Variants in WWOX observed in about 807,000 individuals in gnomAD.
The protein encoded by WWOX is WW domain-containing oxidoreductase.
Under a neutral mutation model 46.2 loss-of-function variants are expected in WWOX, and 69 were observed. That is an observed-to-expected ratio of 1.49 (90% CI 1.23 to 1.82). The LOEUF (loss-of-function observed/expected upper bound fraction) is 1.82. WWOX is among the 40% of genes most tolerant of loss of function. WWOX has a pLI of 0.00. For synonymous variants in WWOX, 359 were observed against 202.6 expected, an observed-to-expected ratio of 1.77 and a Z score of -6.56; for missense variants, 919 against 542.6, an observed-to-expected ratio of 1.69 and a Z score of -6.89.
chr16:78,282,719 A>G (rs1312626771), intron 5 of WWOX, among the ~76,000 whole-genome samples: 1 of 152,026 alleles, frequency 6.6e-6, no homozygotes, highest in Non-Finnish European at 1.5e-5. Context: ...TCTACTAAAA[A>G]TACAAAAAAT....
At chr16:78,504,332 A>C (rs555656162) in intron 8 of WWOX, among the ~76,000 whole-genome samples, 1 of 152,334 alleles carries the variant, frequency 6.6e-6, no homozygotes, top group South Asian at 2.1e-4. Flanking sequence ...TTTCTGAAAG[A>C]AATTCCCAGG....
intron 8 of WWOX, among the ~76,000 whole-genome samples, chr16:79,088,747 A>G (rs768534544): frequency 7.9e-5 from 12 of 152,134 alleles, no homozygotes; most frequent in Non-Finnish European, 1.8e-4. Context: ...CACAGTTGCT[A>G]CTTACCGTGG....
intron 8 of WWOX, among the ~76,000 whole-genome samples, chr16:79,163,054 A>T (rs977488199): frequency 2.6e-5 from 4 of 152,198 alleles, no homozygotes; most frequent in Non-Finnish European, 4.4e-5. Flanking sequence ...CATTTATCCA[A>T]ACACACAGGA....
At chr16:78,941,462 C>CTT (rs1348761573) in intron 8 of WWOX, among the ~76,000 whole-genome samples, 42 of 144,682 alleles carry the variant, frequency 2.9e-4, no homozygotes, top group African/African-American at 4.0e-4. Flanking sequence ...GAACAAAGTC[C>CTT]TTTTTTTTTT....
At chr16:78,752,870 C>A (rs572960779) in intron 8 of WWOX, among the ~76,000 whole-genome samples, 19 of 152,214 alleles carry the variant, frequency 1.2e-4, no homozygotes, top group African/African-American at 4.3e-4. Context: ...GCTTCCTGAT[C>A]TAAATCTGTC....
intron 8 of WWOX, among the ~76,000 whole-genome samples, chr16:79,013,002 G>A (rs1008668864): frequency 2.0e-5 from 3 of 152,238 alleles, no homozygotes; most frequent in African/African-American, 7.2e-5. Flanking sequence ...TGGGAGATTG[G>A]AGGTTGCAGT....
Position 78,985,173 on chromosome 16 carries a change from C to T in WWOX, c.1057-226435C>T, listed in dbSNP as rs753808021. 2.6e-5 allele frequency among the ~76,000 whole-genome samples: 4 copies of T among 152,314 alleles called. No individual in the cohort carries two copies. The South Asian group carries it at 6.2e-4, about 24-fold the overall frequency. On this transcript the variant is annotated intron_variant, in intron 8 of 8. Coordinates refer to ENST00000566780, the MANE Select transcript of WWOX (RefSeq NM_016373.4). ...CCAGCAGCAGAGGCTGCCATGACAT[C>T]GGCATGCGATTTCTTCCAGGACTTA...
intron 8 of WWOX, chr16:78,873,060 G>C (rs942739627): frequency 6.6e-5 from 10 of 152,250 alleles, no homozygotes. Flanking sequence ...GCCTCCTGAA[G>C]TACTGAGATT....
chr16:78,493,134 G>C (rs113879388), intron 8 of WWOX, among the ~76,000 whole-genome samples: 2 of 152,088 alleles, frequency 1.3e-5, no homozygotes, highest in Non-Finnish European at 2.9e-5. Context: ...TTGGAGCCTG[G>C]ACTTCTTCCT....
intron 5 of WWOX, among the ~76,000 whole-genome samples, chr16:78,319,700 T>C (rs552267661): frequency 6.6e-6 from 1 of 152,330 alleles, no homozygotes; most frequent in South Asian, 2.1e-4. Flanking sequence ...TTTTATCACA[T>C]GCGTAGGTTC....
intron 8 of WWOX, among the ~76,000 whole-genome samples, chr16:78,769,640 C>A (rs1322872436): frequency 1.3e-5 from 2 of 150,240 alleles, no homozygotes; most frequent in Non-Finnish European, 2.9e-5. Context: ...GAAACTATAT[C>A]ATAATTTTAA....
chr16:78,685,913 A>G (rs1333957885), intron 8 of WWOX, among the ~76,000 whole-genome samples: 4 of 120,690 alleles, frequency 3.3e-5, no homozygotes, highest in Non-Finnish European at 5.8e-5. Context: ...AAAAAGAAAA[A>G]GAAAAAAGAG....
At chr16:78,389,223 C>T (rs1005559550) in intron 6 of WWOX, among the ~76,000 whole-genome samples, 1 of 152,228 alleles carries the variant, frequency 6.6e-6, no homozygotes, top group Non-Finnish European at 1.5e-5. Context: ...AGAGGCACCT[C>T]AACAGGCTGC....
intron 8 of WWOX, among the ~76,000 whole-genome samples, chr16:78,607,026 G>A (rs1019331206): frequency 1.3e-5 from 2 of 152,116 alleles, no homozygotes; most frequent in Admixed American, 6.5e-5. Flanking sequence ...CTGGTGAACT[G>A]AATAGAGTTC....
intron 5 of WWOX, among the ~76,000 whole-genome samples, chr16:78,329,440 G>A (rs547899816): frequency 4.7e-4 from 72 of 152,174 alleles, no homozygotes; most frequent in Non-Finnish European, 9.1e-4. Flanking sequence ...TGACCCTGTC[G>A]CCAGTAGCCT....
At chr16:78,130,372 C>G (rs1177516425) in intron 4 of WWOX, among the ~76,000 whole-genome samples, 1 of 152,170 alleles carries the variant, frequency 6.6e-6, no homozygotes, top group Non-Finnish European at 1.5e-5. Flanking sequence ...CCATCTGTAA[C>G]TAGTAGGAGG....
At chr16:78,128,008 A>G (rs896050218) in intron 4 of WWOX, among the ~76,000 whole-genome samples, 2 of 152,212 alleles carry the variant, frequency 1.3e-5, no homozygotes, top group African/African-American at 4.8e-5. Context: ...CAAGTAAAAC[A>G]ATGTGTGAAA....
chr16:78,357,405 C>T (rs79562837), intron 5 of WWOX, among the ~76,000 whole-genome samples: 3 of 152,172 alleles, frequency 2.0e-5, no homozygotes. Flanking sequence ...AGCCACTTCT[C>T]TTTCCAGTGG....
intron 8 of WWOX, among the ~76,000 whole-genome samples, chr16:78,482,340 G>A (rs2084515619): frequency 6.6e-6 from 1 of 151,984 alleles, no homozygotes; most frequent in East Asian, 1.9e-4. Context: ...TCCTTCCTCG[G>A]CCTCCGTAGT....
Sources: gnomAD v4.1 joint callset for allele counts (sites outside exome capture counted in the v4.1 genomes callset) on GRCh38, gnomAD v4.1.1 for gene constraint, MANE v1.5 for transcripts, NCBI Gene and HGNC (gene_info 2026-07-23, HGNC 2026-07-21) for gene names.